The following LRRC37A2 variants were observed in gnomAD, a reference collection of about 807,000 sequenced individuals.
LRRC37A2 encodes leucine rich repeat containing 37 member A2.
LRRC37A2 carries 9 observed loss-of-function variants against 68.8 expected under a neutral mutation model. That is an observed-to-expected ratio of 0.13 (90% CI 0.08 to 0.23). The LOEUF (loss-of-function observed/expected upper bound fraction) is 0.23, where lower values mean the gene tolerates loss of function less well. LRRC37A2 is among the 10% of genes least tolerant of loss of function. The pLI, the probability that LRRC37A2 is intolerant of heterozygous loss-of-function variation, is 1.00. For missense variants in LRRC37A2, 168 were observed against 950.4 expected (o/e 0.18, Z 10.82); for synonymous variants, 63 against 367.6 (o/e 0.17, Z 9.48).
the LRRC37A2 span, chr17:46,872,492 G>A: frequency 6.8e-7 from 1 of 1,467,406 alleles, no homozygotes; most frequent in South Asian, 1.5e-5. Context: ...AGGCTCACCT[G>A]TCTCCCTCCT....
the LRRC37A2 span, among the ~76,000 whole-genome samples, chr17:46,921,445 C>T: frequency 6.6e-6 from 1 of 152,170 alleles, no homozygotes; most frequent in Non-Finnish European, 1.5e-5. Flanking sequence ...GTCTAAAACA[C>T]CAAAAGCAAT....
the LRRC37A2 span, among the ~76,000 whole-genome samples, chr17:46,787,935 A>G: frequency 2.0e-5 from 3 of 151,170 alleles, no homozygotes; most frequent in Admixed American, 6.6e-5. Flanking sequence ...CAGCCTGGGC[A>G]ACAGAGTGAG....
the LRRC37A2 span, among the ~76,000 whole-genome samples, chr17:46,488,724 C>T: frequency 1.0e-4 from 15 of 144,678 alleles, 1 homozygote; most frequent in South Asian, 4.6e-4. Context: ...AAAAATGTAA[C>T]GCACTTGAAA....
chr17:46,409,014 A>G, the LRRC37A2 span: 1 of 410,470 alleles, frequency 2.4e-6, no homozygotes, highest in Non-Finnish European at 4.1e-6. Flanking sequence ...TGGAGTACTA[A>G]CTGTGTTTCT....
At chr17:47,012,426 A>T in the LRRC37A2 span, among the ~76,000 whole-genome samples, 1 of 152,192 alleles carries the variant, frequency 6.6e-6, no homozygotes, top group African/African-American at 2.4e-5. Context: ...TTCAAAGAAC[A>T]CCACCAAGAA....
the LRRC37A2 span, among the ~76,000 whole-genome samples, chr17:46,953,042 A>AT: frequency 6.6e-6 from 1 of 151,702 alleles, no homozygotes; most frequent in Non-Finnish European, 1.5e-5. Flanking sequence ...ATTATTTTTT[A>AT]TTTTTTTATT....
the LRRC37A2 span, chr17:46,885,011 G>A: frequency 2.3e-5 from 10 of 430,214 alleles, no homozygotes; most frequent in East Asian, 1.5e-4. Flanking sequence ...TTTTTTAGAC[G>A]AAGTCTTGTT....
chr17:46,940,750 C>T, the LRRC37A2 span: 2 of 1,563,556 alleles, frequency 1.3e-6, no homozygotes, highest in Non-Finnish European at 1.7e-6. Flanking sequence ...TCATGCTGCA[C>T]CTTCAGAGCC....
the LRRC37A2 span, among the ~76,000 whole-genome samples, chr17:46,997,342 ACT>A: frequency 1.3e-5 from 2 of 151,720 alleles, no homozygotes; most frequent in African/African-American, 4.8e-5. Context: ...ATAGAGTGAG[ACT>A]CTGTCTCCCC....
At chr17:46,847,555 G>A in the LRRC37A2 span, among the ~76,000 whole-genome samples, 2 of 152,224 alleles carry the variant, frequency 1.3e-5, no homozygotes, top group African/African-American at 2.4e-5. Context: ...CCTGGAGGAT[G>A]GGGAAGGACA....
At chr17:46,899,217 C>G in the LRRC37A2 span, among the ~76,000 whole-genome samples, 1 of 151,878 alleles carries the variant, frequency 6.6e-6, no homozygotes, top group African/African-American at 2.4e-5. Flanking sequence ...TGGCGAAAAC[C>G]CTGCCTCTAC....
chr17:46,847,995 T>TGTGTGTGTGTGC, the LRRC37A2 span, among the ~76,000 whole-genome samples: 4 of 149,424 alleles, frequency 2.7e-5, no homozygotes, highest in African/African-American at 9.9e-5. Flanking sequence ...TGTGTGTGTG[T>TGTGTGTGTGTGC]GCACGTGCAT....
At chr17:46,736,928 C>A in the LRRC37A2 span, among the ~76,000 whole-genome samples, 60 of 152,334 alleles carry the variant, frequency 3.9e-4, 1 homozygote, top group South Asian at 0.012. Flanking sequence ...TCTAAACTTA[C>A]CATGGTTGAA....
At chr17:46,895,005 A>G in the LRRC37A2 span, among the ~76,000 whole-genome samples, 3 of 152,126 alleles carry the variant, frequency 2.0e-5, no homozygotes, top group Non-Finnish European at 4.4e-5. Flanking sequence ...CATCCCAGCC[A>G]CTGGAGAGCC....
the LRRC37A2 span, among the ~76,000 whole-genome samples, chr17:46,835,060 T>A: frequency 6.6e-6 from 1 of 152,186 alleles, no homozygotes; most frequent in African/African-American, 2.4e-5. Flanking sequence ...AGTAGTGCGA[T>A]CAGTGCTCAC....
At chr17:46,539,768 C>CAAA (rs1204528686) in intron 6 of LRRC37A2, among the ~76,000 whole-genome samples, 14 of 67,010 alleles carry the variant, frequency 2.1e-4, no homozygotes, top group East Asian at 3.6e-4. Context: ...GACTCCATCT[C>CAAA]AAAAAAAAAA....
the LRRC37A2 span, among the ~76,000 whole-genome samples, chr17:46,871,885 C>T: frequency 1.1e-4 from 17 of 152,256 alleles, no homozygotes; most frequent in African/African-American, 3.9e-4. Flanking sequence ...TCTGTTTGTA[C>T]CAGGCACCAG....
chr17:47,037,291 G>C, the LRRC37A2 span, among the ~76,000 whole-genome samples: 1 of 152,064 alleles, frequency 6.6e-6, no homozygotes. Flanking sequence ...CTCCAATGGA[G>C]ACGGGGTTTC....
the LRRC37A2 span, among the ~76,000 whole-genome samples, chr17:46,761,297 C>A: frequency 6.6e-6 from 1 of 151,112 alleles, no homozygotes; most frequent in Non-Finnish European, 1.5e-5. Flanking sequence ...CCACCATAGG[C>A]GGCTCATGGC....
Sources: allele counts gnomAD v4.1 joint callset (sites outside exome capture counted in the v4.1 genomes callset), GRCh38; gene constraint gnomAD v4.1.1; transcripts MANE v1.5; gene names NCBI Gene and HGNC (gene_info 2026-07-23, HGNC 2026-07-21).